Variants in GRM7 observed in about 807,000 individuals in gnomAD.
GRM7 encodes the protein metabotropic glutamate receptor 7.
A neutral mutation model predicts 84.5 loss-of-function variants in GRM7; 35 were observed. The ratio of observed to expected loss-of-function variants is 0.41; its 90% CI spans 0.32 to 0.55. GRM7 has a LOEUF of 0.55. Among genes scored for constraint, GRM7 ranks in the 20% least tolerant of loss-of-function variants. GRM7 has a pLI of 0.19. For synonymous variants in GRM7, 487 were observed against 455.1 expected (o/e 1.07, Z -0.89); for missense variants, 1,003 against 1,194.6 (o/e 0.84, Z 2.36).
chr3:7,345,473 G>A (rs548803191), intron 4 of GRM7, among the ~76,000 whole-genome samples: 14 of 151,762 alleles, frequency 9.2e-5, no homozygotes, highest in African/African-American at 1.7e-4. Flanking sequence ...TAGTAACGAC[G>A]GGGTTTCATC....
At chr3:7,296,649 T>A (rs986201412) in intron 2 of GRM7, among the ~76,000 whole-genome samples, 1 of 152,146 alleles carries the variant, frequency 6.6e-6, no homozygotes, top group African/African-American at 2.4e-5. Context: ...TAGCTGAACT[T>A]ATTAATGTAG....
At position 7,578,561 on chromosome 3, in the gene GRM7, A is replaced by G. The variant is rs1383631734; in HGVS notation, c.1655A>G (p.Gln552Arg). Residue 552 changes from glutamine (Q) to arginine (R), a missense_variant, in exon 8 of 10, where the codon CAG becomes CGG. By Grantham distance (43) the Gln-to-Arg change is conservative (BLOSUM62 1). Around this residue, in one of 2 missense-constraint regions of GRM7, gnomAD observed 910 missense variants for 1,126.0 expected, o/e 0.81. Coordinates refer to ENST00000357716, the MANE Select transcript of GRM7 (RefSeq NM_000844.4). ...ACCTGTGAGCCTTGCGATGGTTACC[A>G]GTACCAGTTTGATGAGATGACATGC... Reference protein sequence around the residue: ...CWTCEPCDGYQYQFDEMTCQH... With the variant: ...CWTCEPCDGYRYQFDEMTCQH... The G allele has an allele frequency of 6.2e-7, 1 of 1,614,142 alleles. No homozygotes were observed. Among genetic ancestry groups the G allele is most frequent in the Admixed American group, 1.7e-5 (1 of 60,026 alleles).
intron 2 of GRM7, among the ~76,000 whole-genome samples, chr3:7,234,073 A>C (rs1014017716): frequency 6.6e-6 from 1 of 152,152 alleles, no homozygotes; most frequent in Non-Finnish European, 1.5e-5. Context: ...TAGATGAATA[A>C]AATATAAATC....
intron 2 of GRM7, among the ~76,000 whole-genome samples, chr3:7,292,302 A>G (rs1232330018): frequency 6.6e-6 from 1 of 152,190 alleles, no homozygotes; most frequent in Non-Finnish European, 1.5e-5. Context: ...TGATTCCTCT[A>G]ACAAGACGTG....
At chr3:7,561,588 G>A (rs1327167486) in intron 7 of GRM7, 1 of 456,244 alleles carries the variant, frequency 2.2e-6, no homozygotes, top group Non-Finnish European at 4.4e-6. Context: ...GCATATTTTT[G>A]TTTGAGGAAA....
intron 9 of GRM7, among the ~76,000 whole-genome samples, chr3:7,727,070 AT>A (rs1702157173): frequency 6.6e-6 from 1 of 152,128 alleles, no homozygotes; most frequent in Non-Finnish European, 1.5e-5. Flanking sequence ...TAATTACAGA[AT>A]ACTCACAATT....
In GRM7 at chr3:7,568,619, G is replaced by A. The variant is rs150410198; in HGVS notation, c.1516-9803G>A. Among the ~76,000 whole-genome samples the A allele has an allele frequency of 5.2e-3, 790 of 152,312 alleles. 9 individuals carry two copies. Among genetic ancestry groups the A allele is most frequent in the African/African-American group, 0.016 (677 of 41,588 alleles). ...GGAGGGAGAGGCGCAAGCGGGAACC[G>A]GGGCTGCCCCCGGCGCTTGCGGGCC... On this transcript the variant is annotated intron_variant, in intron 7 of 9. Coordinates refer to ENST00000357716, the MANE Select transcript of GRM7 (RefSeq NM_000844.4).
chr3:7,713,124 GTTTTTTTTTTTT>G (rs5846535), intron 9 of GRM7, among the ~76,000 whole-genome samples: 1 of 97,124 alleles, frequency 1.0e-5, no homozygotes, highest in Admixed American at 1.1e-4. Flanking sequence ...ATTTTGTTTT[GTTTTTTTTTTTT>G]TTTTTTTTTT....
chr3:7,725,376 G>T (rs558779387), intron 9 of GRM7, among the ~76,000 whole-genome samples: 1 of 152,246 alleles, frequency 6.6e-6, no homozygotes, highest in Admixed American at 6.5e-5. Context: ...TTTGGCCTGG[G>T]TTTTATGTAG....
intron 2 of GRM7, among the ~76,000 whole-genome samples, chr3:7,234,665 T>G (rs1227492218): frequency 6.6e-6 from 1 of 152,190 alleles, no homozygotes; most frequent in Non-Finnish European, 1.5e-5. Context: ...TCAGATATTT[T>G]TCTGGCAACA....
intron 1 of GRM7, among the ~76,000 whole-genome samples, chr3:7,044,656 A>G (rs945300862): frequency 6.6e-6 from 1 of 152,170 alleles, no homozygotes; most frequent in African/African-American, 2.4e-5. Context: ...TTAATTAGCC[A>G]TTTCAGAATC....
chr3:6,891,079 T>G (rs927493933), intron 1 of GRM7, among the ~76,000 whole-genome samples: 5 of 152,224 alleles, frequency 3.3e-5, no homozygotes, highest in Non-Finnish European at 5.9e-5. Flanking sequence ...GTTTTCCATT[T>G]GCTTGGTAGA....
intron 1 of GRM7, among the ~76,000 whole-genome samples, chr3:7,146,109 G>C (rs915630605): frequency 1.1e-4 from 16 of 151,872 alleles, no homozygotes; most frequent in Admixed American, 3.9e-4. Context: ...TATTTCTATT[G>C]GTTTATAAGT....
chr3:6,985,715 T>C (rs2021522), intron 1 of GRM7, among the ~76,000 whole-genome samples: 16,862 of 152,102 alleles, frequency 0.11, 2,374 homozygotes, highest in African/African-American at 0.33. Context: ...GGTGCTGAGG[T>C]AGTAAGAAAA....
intron 4 of GRM7, among the ~76,000 whole-genome samples, chr3:7,361,962 T>C (rs1693683192): frequency 6.6e-6 from 1 of 152,112 alleles, no homozygotes; most frequent in African/African-American, 2.4e-5. Flanking sequence ...TTTCTGCCGA[T>C]TCTAAAGGAT....
chr3:7,614,042 T>C (rs1466513379), intron 8 of GRM7, among the ~76,000 whole-genome samples: 1 of 152,118 alleles, frequency 6.6e-6, no homozygotes, highest in African/African-American at 2.4e-5. Flanking sequence ...GGCGAGCTGA[T>C]CATCTGAGGT....
At chr3:7,581,253 A>T (rs1695236562) in intron 8 of GRM7, among the ~76,000 whole-genome samples, 1 of 152,148 alleles carries the variant, frequency 6.6e-6, no homozygotes, top group Non-Finnish European at 1.5e-5. Flanking sequence ...AGGTTTCAGG[A>T]ATTGAATTCT....
chr3:6,992,769 G>C lies in GRM7; in HGVS notation c.519+130862G>C, dbSNP rs941328058. ...CTTAGAACAACAAGAGTTGGAGAAA[G>C]AGTTACTTCCAGCTCCTTCTCCTCC... On this transcript the variant is annotated intron_variant, in intron 1 of 9. Coordinates refer to ENST00000357716, the MANE Select transcript of GRM7 (RefSeq NM_000844.4). 2.6e-5 allele frequency among the ~76,000 whole-genome samples: 4 copies of C among 152,194 alleles called. No homozygotes were observed. The East Asian group carries it at 7.7e-4, about 29-fold the overall frequency.
intron 3 of GRM7, among the ~76,000 whole-genome samples, chr3:7,306,157 A>G (rs1700187460): frequency 6.6e-6 from 1 of 152,158 alleles, no homozygotes; most frequent in Non-Finnish European, 1.5e-5. Flanking sequence ...CAAAACAAAC[A>G]TTTTGGCCAA....
Sources: gnomAD v4.1 joint callset for allele counts (sites outside exome capture counted in the v4.1 genomes callset) on GRCh38, gnomAD v4.1.1 for gene constraint, gnomAD v4.1.1 regional missense constraint, MANE v1.5 for transcripts, NCBI Gene and HGNC (gene_info 2026-07-23, HGNC 2026-07-21) for gene names.